The following VPS35L variants were observed in gnomAD, a reference collection of about 807,000 sequenced individuals.
The protein encoded by VPS35L is VPS35 endosomal protein-sorting factor-like.
A neutral mutation model predicts 133.0 loss-of-function variants in VPS35L; 83 were observed. The ratio of observed to expected loss-of-function variants is 0.62; its 90% CI spans 0.52 to 0.75. The LOEUF (loss-of-function observed/expected upper bound fraction) is 0.75. Ranked by LOEUF, VPS35L falls within the 30% of genes least tolerant of loss-of-function variation. VPS35L has a pLI of 0.00. For synonymous variants in VPS35L, 423 were observed against 449.9 expected, an observed-to-expected ratio of 0.94 and a Z score of 0.76; for missense variants, 1,083 against 1,206.8, an observed-to-expected ratio of 0.90 and a Z score of 1.52.
At position 19,664,780 on chromosome 16, in the gene VPS35L, G is replaced by A. The variant is rs574108152; in HGVS notation, c.2222-4380G>A. Among the ~76,000 whole-genome samples, 48 of 151,902 alleles carry A rather than the reference G, an allele frequency of 3.2e-4. 1 individual carries two copies. Among genetic ancestry groups the A allele is most frequent in the Middle Eastern group, 6.8e-3 (2 of 292 alleles). On this transcript the variant is annotated intron_variant, in intron 26 of 30. Transcript: ENST00000417362. The stretch of plus-strand genomic sequence containing the variant: ...CCTGGCACGGTGGCATGTGCCTGTA[G>A]TCTTAGCTACTCGGGAGGCTGAGGC...
intron 29 of VPS35L, chr16:19,694,570 G>A (rs748193067): frequency 7.3e-5 from 11 of 151,570 alleles, no homozygotes; most frequent in African/African-American, 2.7e-4. Context: ...GCTCACTGCA[G>A]CTTCAACCTC....
At chr16:19,665,358 A>G (rs972413711) in intron 26 of VPS35L, among the ~76,000 whole-genome samples, 4 of 152,030 alleles carry the variant, frequency 2.6e-5, no homozygotes, top group African/African-American at 4.8e-5. Context: ...TCTGGTAACT[A>G]TCCTTCTACT....
chr16:19,586,222 T>A (rs918534856), intron 7 of VPS35L, among the ~76,000 whole-genome samples: 3 of 151,892 alleles, frequency 2.0e-5, no homozygotes, highest in African/African-American at 4.8e-5. Flanking sequence ...TCTTTATATA[T>A]TTTTGACACT....
intron 1 of VPS35L, among the ~76,000 whole-genome samples, chr16:19,561,280 A>G (rs1272576507): frequency 6.6e-6 from 1 of 152,156 alleles, no homozygotes; most frequent in African/African-American, 2.4e-5. Flanking sequence ...CTGAGGCAGG[A>G]GAATGGCATG....
intron 26 of VPS35L, among the ~76,000 whole-genome samples, chr16:19,659,934 T>TGA (rs1428721933): frequency 6.6e-6 from 1 of 152,148 alleles, no homozygotes; most frequent in South Asian, 2.1e-4. Flanking sequence ...TTGTATACCT[T>TGA]GAGAGAGAGT....
chr16:19,608,452 T>G, intron 10 of VPS35L, 178 bp downstream of exon 10: 1 of 551,356 alleles, frequency 1.8e-6, no homozygotes. Context: ...CCTTGGACTC[T>G]TGCTCTTTCC....
intron 8 of VPS35L, among the ~76,000 whole-genome samples, chr16:19,596,536 A>T (rs2151533590): frequency 6.6e-6 from 1 of 151,784 alleles, no homozygotes; most frequent in East Asian, 2.0e-4. Context: ...TGGCCTCCCA[A>T]AGTGCTGGGA....
intron 26 of VPS35L, among the ~76,000 whole-genome samples, chr16:19,661,114 T>C (rs1974472115): frequency 6.6e-6 from 1 of 151,760 alleles, no homozygotes; most frequent in Non-Finnish European, 1.5e-5. Flanking sequence ...TAGCAATAAA[T>C]GGAATTATGT....
chr16:19,603,301 C>T (rs985060123), intron 9 of VPS35L, among the ~76,000 whole-genome samples: 1 of 152,210 alleles, frequency 6.6e-6, no homozygotes, highest in South Asian at 2.1e-4. Context: ...TCCAGTACAG[C>T]AGCCACTGGC....
At chr16:19,693,959 G>GAAAAAAAAAAAA (rs915757096) in intron 29 of VPS35L, 1 of 92,376 alleles carries the variant, frequency 1.1e-5, no homozygotes. Context: ...CAAAAAAAAA[G>GAAAAAAAAAAAA]AAAAAAAAAA....
chr16:19,682,271 A>T lies in VPS35L; in HGVS notation c.2408A>T (p.Asn803Ile), dbSNP rs147028064. The T allele has an allele frequency of 3.8e-4, 612 of 1,614,018 alleles. 1 individual carries two copies. The highest frequency in any genetic ancestry group is 4.7e-4 in the Non-Finnish European group (554 of 1,180,046). The change falls in exon 28 of 31, where the codon AAC becomes ATC. Residue 803 changes from asparagine to isoleucine, a missense_variant. Asn to Ile is a moderately radical substitution (Grantham distance 149). Transcript: ENST00000417362. ...CTGTTTCTTGTTCGAGAGCTTCTCA[A>T]CGTGATCCAGGACTACACCTGGGAG... The part of the protein sequence containing the change: ...GVLFLVRELL[N>I]VIQDYTWEDN...
At chr16:19,612,420 C>T (rs1972754621) in intron 12 of VPS35L, among the ~76,000 whole-genome samples, 1 of 151,732 alleles carries the variant, frequency 6.6e-6, no homozygotes, top group African/African-American at 2.4e-5. Context: ...TGCCCAGCTA[C>T]TTTTTGTATT....
At chr16:19,643,641 ATGT>A (rs1973852223) in intron 22 of VPS35L, among the ~76,000 whole-genome samples, 1 of 152,282 alleles carries the variant, frequency 6.6e-6, no homozygotes, top group South Asian at 2.1e-4. Flanking sequence ...AGGCTAGGGA[ATGT>A]TGTTCTAAGA....
At chr16:19,630,334 T>A (rs1397714058) in intron 18 of VPS35L, among the ~76,000 whole-genome samples, 1 of 117,040 alleles carries the variant, frequency 8.5e-6, no homozygotes, top group Non-Finnish European at 1.7e-5. Context: ...AAGTTTTTTT[T>A]TTTTTTTTTT....
chr16:19,633,523 T>C lies in VPS35L; in HGVS notation c.1635+351T>C, dbSNP rs1322876897. Among the ~76,000 whole-genome samples, 1 of 152,198 alleles carries C rather than the reference T, an allele frequency of 6.6e-6. No individual in the cohort carries two copies. Among genetic ancestry groups the C allele is most frequent in the African/African-American group, 2.4e-5 (1 of 41,450 alleles). On this transcript the variant is annotated intron_variant, in intron 19 of 30. Coordinates refer to ENST00000417362, the MANE Select transcript of VPS35L (RefSeq NM_020314.7). The surrounding 1 kb of genome is among the most constrained non-coding windows in gnomAD (Gnocchi z 4.1). ...TTTTAGTTAAATCAACTTTGTTTTT[T>C]CCTTTTTTTTTGAAACAGGGTCTCG...
intron 8 of VPS35L, among the ~76,000 whole-genome samples, chr16:19,596,230 G>A (rs1486561808): frequency 6.6e-6 from 1 of 152,004 alleles, no homozygotes; most frequent in African/African-American, 2.4e-5. Context: ...TGCAGTCAAA[G>A]CACCTACTTT....
intron 7 of VPS35L, among the ~76,000 whole-genome samples, chr16:19,585,727 C>A (rs914687684): frequency 3.3e-5 from 5 of 151,626 alleles, no homozygotes; most frequent in African/African-American, 1.2e-4. Context: ...TATAACCCTC[C>A]TACTATCCTA....
At chr16:19,559,112 A>AT (rs1049631310) in intron 1 of VPS35L, among the ~76,000 whole-genome samples, 4 of 152,176 alleles carry the variant, frequency 2.6e-5, no homozygotes, top group Non-Finnish European at 5.9e-5. Flanking sequence ...CATTTAGTGG[A>AT]TTTTGGTGTT....
chr16:19,577,288 G>A (rs1417747535), intron 5 of VPS35L, among the ~76,000 whole-genome samples: 1 of 152,150 alleles, frequency 6.6e-6, no homozygotes, highest in Non-Finnish European at 1.5e-5. Context: ...GAGATTGCAT[G>A]GCAAGAGAAG....
Sources: allele counts gnomAD v4.1 joint callset (sites outside exome capture counted in the v4.1 genomes callset), GRCh38; gene constraint gnomAD v4.1.1; non-coding constraint Gnocchi (gnomAD v3.1); transcripts MANE v1.5; gene names NCBI Gene and HGNC (gene_info 2026-07-23, HGNC 2026-07-21).